The following TRAPPC3L variants were observed in gnomAD, a reference collection of about 807,000 sequenced individuals.
TRAPPC3L encodes the protein trafficking protein particle complex subunit 3L, also known as trafficking protein particle complex subunit 3-like protein.
TRAPPC3L carries 23 observed loss-of-function variants against 23.7 expected under a neutral mutation model. The ratio of observed to expected loss-of-function variants is 0.97; its 90% CI spans 0.70 to 1.37. TRAPPC3L has a LOEUF of 1.37. TRAPPC3L is among the 40% of genes most tolerant of loss of function. The pLI, the probability that TRAPPC3L is intolerant of heterozygous loss-of-function variation, is 0.00. For synonymous variants in TRAPPC3L, 81 were observed against 77.9 expected (o/e 1.04, Z -0.21); for missense variants, 212 against 216.8 (o/e 0.98, Z 0.14).
chr6:116,501,127 C>G (rs1291817475), intron 3 of TRAPPC3L, among the ~76,000 whole-genome samples: 1 of 152,232 alleles, frequency 6.6e-6, no homozygotes, highest in Non-Finnish European at 1.5e-5. Flanking sequence ...GAACTGTACA[C>G]TTCTGCCCAA....
chr6:116,497,805 T>A (rs2115151194), intron 4 of TRAPPC3L, among the ~76,000 whole-genome samples: 1 of 152,284 alleles, frequency 6.6e-6, no homozygotes, highest in South Asian at 2.1e-4. Context: ...AAAAATAAGA[T>A]AAATAAGTAA....
intron 3 of TRAPPC3L, among the ~76,000 whole-genome samples, chr6:116,506,070 G>T (rs1772002072): frequency 6.6e-6 from 1 of 152,162 alleles, no homozygotes. Flanking sequence ...ACTATCATCA[G>T]ACTGAGCAGG....
chr6:116,540,331 A>G (rs1185172237), intron 3 of TRAPPC3L, 32 bp downstream of exon 3: 14 of 1,539,574 alleles, frequency 9.1e-6, no homozygotes, highest in Non-Finnish European at 1.2e-5. Flanking sequence ...AGATTTTTCA[A>G]AACATATTGA....
intron 3 of TRAPPC3L, chr6:116,511,581 A>G (rs2115163867): frequency 1.1e-6 from 1 of 916,176 alleles, no homozygotes; most frequent in South Asian, 1.7e-5. Context: ...ATCTGGCTCA[A>G]TTCAGTCTGA....
Position 116,495,180 on chromosome 6 carries a change from G to GCCT in TRAPPC3L, c.*1771_*1773dup, listed in dbSNP as rs1380527305. 2.0e-5 allele frequency: 3 copies of GCCT among 150,288 alleles called. No individual in the cohort carries two copies. Among genetic ancestry groups the GCCT allele is most frequent in the Non-Finnish European group, 4.4e-5 (3 of 67,664 alleles). 9.3% of individuals were successfully genotyped at this position (150,288 alleles called of 1,614,324 possible). A position where few individuals can be genotyped will look rare whatever the true frequency, so the allele number is the denominator to read the frequency against. ...ACTCCTCTTGAAACTACCCTTCCCAGCCTCTGATATCCATCATTTTACTCC... is the reference window on the plus strand; with the variant it reads ...ACTCCTCTTGAAACTACCCTTCCCAGCCTCCTCTGATATCCATCATTTTACTCC... On this transcript the variant is annotated 3_prime_UTR_variant, in exon 5 of 5. Transcript: ENST00000368602.
At chr6:116,511,521 T>C in intron 3 of TRAPPC3L, 2 of 623,538 alleles carry the variant, frequency 3.2e-6, no homozygotes, top group South Asian at 2.2e-5. Flanking sequence ...GGAGGCATTA[T>C]CTAAACATGT....
chr6:116,499,947 G>A (rs1771887839), intron 4 of TRAPPC3L, among the ~76,000 whole-genome samples: 1 of 152,184 alleles, frequency 6.6e-6, no homozygotes, highest in Non-Finnish European at 1.5e-5. Context: ...TTAAACCAAT[G>A]AATAATTCAG....
At chr6:116,542,084 A>G (rs953372367) in intron 2 of TRAPPC3L, among the ~76,000 whole-genome samples, 3 of 152,194 alleles carry the variant, frequency 2.0e-5, no homozygotes, top group African/African-American at 7.2e-5. Context: ...CTTTTTCACA[A>G]AACAATGCAA....
Position 116,540,344 on chromosome 6 carries a change from G to A in TRAPPC3L, c.240+19C>T. 1 of 1,544,620 alleles carries A rather than the reference G, an allele frequency of 6.5e-7. No homozygotes were observed. Among genetic ancestry groups the A allele is most frequent in the Non-Finnish European group, 8.8e-7 (1 of 1,141,296 alleles). On this transcript the variant is annotated intron_variant, in intron 3 of 4. Transcript: ENST00000368602. ...AGAGATTTTTCAAAACATATTGACA[G>A]AGATAAAAACATAGTTACCTGGGCA...
At chr6:116,528,788 C>T (rs376565145) in intron 3 of TRAPPC3L, among the ~76,000 whole-genome samples, 251 of 152,220 alleles carry the variant, frequency 1.6e-3, no homozygotes, top group African/African-American at 5.6e-3. Flanking sequence ...ACCAAGGGCT[C>T]CCACTTATTT....
rs185188285 is a variant in TRAPPC3L, at chr6:116,506,149, C to G, written c.241-5483G>C. ...GCAAAGGGTTAATATCCAGAGTCTACAAAGAACTTAAACAAATGTACAAGG... is the reference window on the plus strand; with the variant it reads ...GCAAAGGGTTAATATCCAGAGTCTAGAAAGAACTTAAACAAATGTACAAGG... On this transcript the variant is annotated intron_variant, in intron 3 of 4. Coordinates refer to ENST00000368602, the MANE Select transcript of TRAPPC3L (RefSeq NM_001139444.3). Among the ~76,000 whole-genome samples the G allele has an allele frequency of 1.1e-4, 17 of 152,186 alleles. No individual in the cohort carries two copies. The East Asian group carries it at 3.3e-3, about 29-fold the overall frequency.
chr6:116,511,562 T>TTCCTGCCTGG, intron 3 of TRAPPC3L: 1 of 762,914 alleles, frequency 1.3e-6, no homozygotes, highest in South Asian at 1.8e-5. Context: ...GGAATGACAT[T>TTCCTGCCTGG]GTTTCCTTAT....
At chr6:116,518,698 G>T (rs948392205) in intron 3 of TRAPPC3L, 2 of 152,202 alleles carry the variant, frequency 1.3e-5, no homozygotes, top group African/African-American at 4.8e-5. Flanking sequence ...ACAGAAGTAG[G>T]TTAGCTGTAA....
chr6:116,511,136 A>C (rs1223992266), intron 3 of TRAPPC3L, among the ~76,000 whole-genome samples: 1 of 147,464 alleles, frequency 6.8e-6, no homozygotes, highest in Non-Finnish European at 1.5e-5. Context: ...ATTTATATGT[A>C]TATTTCATCC....
At chr6:116,527,519 CAAAAAAA>C (rs34686241) in intron 3 of TRAPPC3L, among the ~76,000 whole-genome samples, 1 of 112,380 alleles carries the variant, frequency 8.9e-6, no homozygotes, top group Non-Finnish European at 1.8e-5. Context: ...CGTCTCAAAA[CAAAAAAA>C]AAAAAAAAAA....
chr6:116,515,503 C>A, intron 3 of TRAPPC3L: 1 of 1,261,248 alleles, frequency 7.9e-7, no homozygotes, highest in Non-Finnish European at 1.1e-6. Flanking sequence ...ATGTCAAAGA[C>A]TGTGGTAATA....
rs117750891 is a variant in TRAPPC3L, at chr6:116,543,835, G to A, written c.43-435C>T. ...CCTAATGGCCCCCAGATCTGCCAAGGAGACCTTCAGGATAAACCCAAATGT... is the reference window on the plus strand; with the variant it reads ...CCTAATGGCCCCCAGATCTGCCAAGAAGACCTTCAGGATAAACCCAAATGT... On this transcript the variant is annotated intron_variant, in intron 1 of 4. Transcript: ENST00000368602. The A allele has an allele frequency of 8.1e-3, 12,493 of 1,534,176 alleles. 87 individuals are homozygous for A. The highest frequency in any genetic ancestry group is 9.1e-3 in the Non-Finnish European group (10,469 of 1,146,040).
In TRAPPC3L at chr6:116,511,326, ACCT is replaced by A. The variant is rs566452217; in HGVS notation, c.241-10663_241-10661del. Among the ~76,000 whole-genome samples the A allele has an allele frequency of 4.1e-3, 623 of 152,018 alleles. 5 individuals are homozygous for A. Among genetic ancestry groups the A allele is most frequent in the African/African-American group, 0.014 (584 of 41,472 alleles). On this transcript the variant is annotated intron_variant, in intron 3 of 4. Coordinates refer to ENST00000368602, the MANE Select transcript of TRAPPC3L (RefSeq NM_001139444.3). ...TTGGAGATTTGATTTGTCGGCTGAA[ACCT>A]CTTTCTGTTAATGTTGATTCCTTAC... is the stretch of plus-strand genomic sequence containing the variant.
At chr6:116,512,333 AT>A (rs1408126489) in intron 3 of TRAPPC3L, 7 of 1,325,570 alleles carry the variant, frequency 5.3e-6, no homozygotes, top group Non-Finnish European at 7.1e-6. Flanking sequence ...CTGTCAGAAT[AT>A]TTTGAAACTA....
Sources: gnomAD v4.1 joint callset for allele counts (sites outside exome capture counted in the v4.1 genomes callset) on GRCh38, gnomAD v4.1.1 for gene constraint, MANE v1.5 for transcripts, NCBI Gene and HGNC (gene_info 2026-07-23, HGNC 2026-07-21) for gene names.